The following MYLK4 variants were observed in gnomAD, a reference collection of about 807,000 sequenced individuals.
MYLK4 encodes myosin light chain kinase family member 4, also known as caMLCK like.
In MYLK4, 46 loss-of-function variants were observed where a neutral mutation model predicts 48.1. That is an observed-to-expected ratio of 0.96 (90% CI 0.75 to 1.22). The LOEUF (loss-of-function observed/expected upper bound fraction) is 1.22, where lower values mean the gene tolerates loss of function less well. MYLK4 is among the 50% of genes most tolerant of loss of function. The pLI is 0.00. For synonymous variants in MYLK4, 170 were observed against 180.8 expected (o/e 0.94, Z 0.48); for missense variants, 451 against 486.1 (o/e 0.93, Z 0.68).
intron 2 of MYLK4, among the ~76,000 whole-genome samples, chr6:2,722,512 A>AGTGTGT (rs369339405): frequency 0.062 from 8,692 of 139,420 alleles, 280 homozygotes; most frequent in East Asian, 0.11. Context: ...ACATAAAAGG[A>AGTGTGT]GTGTGTGTGT....
chr6:2,739,160 T>A (rs115322837), intron 2 of MYLK4, among the ~76,000 whole-genome samples: 1,601 of 152,272 alleles, frequency 0.011, 21 homozygotes, highest in African/African-American at 0.037. Context: ...AGATAAGAAT[T>A]CTACCAACTT....
chr6:2,713,267 G>T (rs1280080313), intron 2 of MYLK4, among the ~76,000 whole-genome samples: 3 of 151,994 alleles, frequency 2.0e-5, no homozygotes, highest in African/African-American at 7.3e-5. Context: ...CTACCTGGGA[G>T]GCTGAGGCAG....
chr6:2,762,857 T>G, the MYLK4 span, among the ~76,000 whole-genome samples: 1 of 152,158 alleles, frequency 6.6e-6, no homozygotes, highest in Non-Finnish European at 1.5e-5. Context: ...TTCCTGCCAG[T>G]GGGTTCAGTG....
chr6:2,736,714 C>T (rs1206339384), intron 2 of MYLK4, among the ~76,000 whole-genome samples: 1 of 152,172 alleles, frequency 6.6e-6, no homozygotes, highest in Non-Finnish European at 1.5e-5. Context: ...TGGCAATTCT[C>T]AGGGGAAAAG....
At chr6:2,730,842 G>A (rs1763452969) in intron 2 of MYLK4, among the ~76,000 whole-genome samples, 1 of 152,128 alleles carries the variant, frequency 6.6e-6, no homozygotes, top group Non-Finnish European at 1.5e-5. Context: ...GTTGAAAGCG[G>A]GAGGTGTCAT....
intron 2 of MYLK4, among the ~76,000 whole-genome samples, chr6:2,694,504 TGGTGGTGGC>T (rs1761951308): frequency 3.0e-5 from 1 of 33,012 alleles, no homozygotes; most frequent in East Asian, 4.8e-4. Context: ...GTGGTGGTGG[TGGTGGTGGC>T]GGTGGTGGTG....
intron 3 of MYLK4, among the ~76,000 whole-genome samples, chr6:2,691,853 C>T (rs1284965328): frequency 6.6e-6 from 1 of 152,138 alleles, no homozygotes; most frequent in Non-Finnish European, 1.5e-5. Context: ...TTCATATAAG[C>T]TGGAAAACCA....
At chr6:2,758,078 G>A in the MYLK4 span, among the ~76,000 whole-genome samples, 1 of 152,146 alleles carries the variant, frequency 6.6e-6, no homozygotes, top group South Asian at 2.1e-4. Context: ...TGATGCATTA[G>A]AGAAACTTAA....
At chr6:2,766,345 G>C in the MYLK4 span, 1 of 1,610,516 alleles carries the variant, frequency 6.2e-7, no homozygotes, top group Non-Finnish European at 8.5e-7. Flanking sequence ...ATTACTTCGG[G>C]CAGAGCAAGG....
chr6:2,691,333 A>T (rs1761788595), intron 3 of MYLK4, among the ~76,000 whole-genome samples: 1 of 152,256 alleles, frequency 6.6e-6, no homozygotes, highest in Non-Finnish European at 1.5e-5. Flanking sequence ...TTATTAAAAA[A>T]TGAACTAAGA....
At chr6:2,765,570 G>T in the MYLK4 span, 4 of 1,409,034 alleles carry the variant, frequency 2.8e-6, no homozygotes, top group Non-Finnish European at 3.7e-6. Context: ...AGGCCTCCGC[G>T]TGCGCACGGG....
chr6:2,728,260 C>T (rs1404800266), intron 2 of MYLK4, among the ~76,000 whole-genome samples: 1 of 152,190 alleles, frequency 6.6e-6, no homozygotes, highest in African/African-American at 2.4e-5. Context: ...CCTTATTTGT[C>T]TTTAGGTGTT....
At chr6:2,732,813 C>T (rs1301648435) in intron 2 of MYLK4, among the ~76,000 whole-genome samples, 1 of 152,142 alleles carries the variant, frequency 6.6e-6, no homozygotes, top group Non-Finnish European at 1.5e-5. Flanking sequence ...TGGGAGTGAC[C>T]CTACATCACA....
intron 2 of MYLK4, among the ~76,000 whole-genome samples, chr6:2,737,980 GT>G (rs199879285): frequency 0.12 from 8,125 of 68,258 alleles, 2,203 homozygotes; most frequent in East Asian, 0.4. Flanking sequence ...CCGGGGGCGG[GT>G]GGGGGGGGGG....
the MYLK4 span, among the ~76,000 whole-genome samples, chr6:2,763,040 T>G: frequency 6.6e-6 from 1 of 152,214 alleles, no homozygotes; most frequent in Non-Finnish European, 1.5e-5. Context: ...TCTAGCAGCC[T>G]GCTTTTATTC....
At chr6:2,762,888 T>C in the MYLK4 span, among the ~76,000 whole-genome samples, 1 of 152,158 alleles carries the variant, frequency 6.6e-6, no homozygotes, top group Non-Finnish European at 1.5e-5. Context: ...CTGACTGCCT[T>C]CAGAAATAAA....
intron 2 of MYLK4, among the ~76,000 whole-genome samples, chr6:2,702,169 A>G (rs9378728): frequency 0.89 from 136,073 of 152,236 alleles, 60,892 homozygotes; most frequent in East Asian, 1. Flanking sequence ...GAGCATGCAT[A>G]ACTAGGTATC....
intron 12 of MYLK4, among the ~76,000 whole-genome samples, chr6:2,669,144 T>C (rs1760780786): frequency 6.6e-6 from 1 of 152,174 alleles, no homozygotes; most frequent in East Asian, 1.9e-4. Context: ...AAATGATTCT[T>C]CCTTGGCCTG....
intron 2 of MYLK4, among the ~76,000 whole-genome samples, chr6:2,703,068 C>A (rs1215321338): frequency 6.6e-6 from 1 of 152,150 alleles, no homozygotes; most frequent in Non-Finnish European, 1.5e-5. Context: ...CTCCCAGGAG[C>A]TCCTCCAACC....
Sources: allele counts gnomAD v4.1 joint callset (sites outside exome capture counted in the v4.1 genomes callset), GRCh38; gene constraint gnomAD v4.1.1; transcripts MANE v1.5; gene names NCBI Gene and HGNC (gene_info 2026-07-23, HGNC 2026-07-21).